Variants in THOC5 observed in about 807,000 individuals in gnomAD.
THOC5 encodes the protein Fms-interacting protein.
THOC5 carries 43 observed loss-of-function variants against 92.9 expected under a neutral mutation model. That is an observed-to-expected ratio of 0.46 (90% CI 0.36 to 0.60). THOC5 has a LOEUF of 0.60. Ranked by LOEUF, THOC5 falls within the 20% of genes least tolerant of loss-of-function variation. The pLI is 0.00. For missense variants in THOC5, 659 were observed against 849.4 expected (o/e 0.78, Z 2.79); for synonymous variants, 296 against 320.1 (o/e 0.92, Z 0.80).
At chr22:29,531,129 G>A in intron 8 of THOC5, 1 of 1,177,682 alleles carries the variant, frequency 8.5e-7, no homozygotes, top group Non-Finnish European at 1.1e-6. Context: ...GGAAACAGGA[G>A]GGAGAACAAA....
chr22:29,522,938 T>C (rs552262569), intron 12 of THOC5, among the ~76,000 whole-genome samples: 2 of 151,770 alleles, frequency 1.3e-5, no homozygotes, highest in South Asian at 2.1e-4. Flanking sequence ...GAGGCGGAGG[T>C]TGCAGTGAGC....
chr22:29,551,277 T>A (rs2064137505), intron 1 of THOC5, among the ~76,000 whole-genome samples: 1 of 151,838 alleles, frequency 6.6e-6, no homozygotes, highest in African/African-American at 2.4e-5. Context: ...GTACCACAAA[T>A]ACAAAAATTA....
intron 1 of THOC5, chr22:29,550,879 T>C (rs1319384239): frequency 1.3e-5 from 2 of 152,190 alleles, no homozygotes. Flanking sequence ...AATTCTTATT[T>C]TGAAACTTCT....
At chr22:29,543,371 A>G in intron 4 of THOC5, 58 bp downstream of exon 4, 2 of 1,126,680 alleles carry the variant, frequency 1.8e-6, no homozygotes, top group Non-Finnish European at 2.6e-6. Context: ...AAAAAAAAAA[A>G]AGAAGGGGAT....
chr22:29,531,126 G>A, intron 8 of THOC5: 1 of 1,180,088 alleles, frequency 8.5e-7, no homozygotes. Context: ...GATGGAAACA[G>A]GAGGGAGAAC....
rs899200593 is a variant in THOC5, at chr22:29,531,204, G to A, written c.847+627C>T. The A allele has an allele frequency of 6.6e-6, 7 of 1,055,686 alleles. No individual in the cohort carries two copies. In the African/African-American group the frequency reaches 1.2e-4, roughly 18 times the overall value. The allele number at this position is 1,055,686 out of a possible 1,614,324, so 65.4% of individuals were successfully genotyped here. A position where few individuals can be genotyped will look rare whatever the true frequency, so the allele number is the denominator to read the frequency against. Reference sequence around the variant, plus strand: ...GAGACAGTAATGTGTTGGTGCCCAAGGTGGGAGGAGAAGCAAGCACTGGTG... The same window carrying A: ...GAGACAGTAATGTGTTGGTGCCCAAAGTGGGAGGAGAAGCAAGCACTGGTG... On this transcript the variant is annotated intron_variant, in intron 8 of 19. Transcript: ENST00000490103.
intron 2 of THOC5, among the ~76,000 whole-genome samples, chr22:29,548,718 G>A (rs886195944): frequency 3.3e-5 from 5 of 152,126 alleles, no homozygotes; most frequent in Non-Finnish European, 7.4e-5. Flanking sequence ...GCAGCACACC[G>A]AGGGATTCCT....
At chr22:29,538,620 A>G (rs2063809236) in intron 6 of THOC5, among the ~76,000 whole-genome samples, 1 of 151,852 alleles carries the variant, frequency 6.6e-6, no homozygotes, top group East Asian at 1.9e-4. Flanking sequence ...TAACAGAGTG[A>G]GAACCCTGCT....
chr22:29,510,264 A>T (rs561793046), intron 19 of THOC5, among the ~76,000 whole-genome samples: 1 of 152,210 alleles, frequency 6.6e-6, no homozygotes, highest in African/African-American at 2.4e-5. Context: ...CTTCTGCTTC[A>T]TCATGAGCTA....
At chr22:29,516,905 G>T in intron 17 of THOC5, 124 bp downstream of exon 17, 1 of 855,612 alleles carries the variant, frequency 1.2e-6, no homozygotes, top group Non-Finnish European at 1.9e-6. Flanking sequence ...AGGCTCTCAC[G>T]ATCATTATTA....
intron 2 of THOC5, chr22:29,545,003 C>T (rs201771033): frequency 4.0e-5 from 15 of 377,420 alleles, no homozygotes; most frequent in South Asian, 1.4e-4. Context: ...TCCATTTTCA[C>T]GCTGCCAATA....
chr22:29,517,123 G>A lies in THOC5; in HGVS notation c.1594-7C>T. On this transcript the variant is annotated splice_polypyrimidine_tract_variant and splice_region_variant and intron_variant, in intron 16 of 19. Transcript: ENST00000490103. ...CTTTGGTGAAGTGCAGCTCCTAGAA[G>A]AGGTACCACAGACAAGAGGTGAACT... 6.2e-7 allele frequency: 1 copy of A among 1,614,116 alleles called. No homozygotes were observed. The highest frequency in any genetic ancestry group is 8.5e-7 in the Non-Finnish European group (1 of 1,179,980).
At chr22:29,527,620 A>T (rs1043094475) in intron 11 of THOC5, among the ~76,000 whole-genome samples, 2 of 152,230 alleles carry the variant, frequency 1.3e-5, no homozygotes, top group African/African-American at 2.4e-5. Context: ...GGACTGGTAT[A>T]TAGGAACCTG....
chr22:29,537,298 G>A (rs73159014), intron 6 of THOC5, among the ~76,000 whole-genome samples: 9,232 of 152,284 alleles, frequency 0.061, 395 homozygotes, highest in South Asian at 0.15. Flanking sequence ...ACTGGACAGC[G>A]GAGTGACAGG....
At chr22:29,510,381 G>A (rs2063201284) in intron 19 of THOC5, among the ~76,000 whole-genome samples, 1 of 152,328 alleles carries the variant, frequency 6.6e-6, no homozygotes, top group East Asian at 1.9e-4. Context: ...CTGATCACTT[G>A]AGCCTAGGAG....
At chr22:29,534,645 T>C (rs1287469566) in intron 7 of THOC5, 1 of 151,862 alleles carries the variant, frequency 6.6e-6, no homozygotes, top group Non-Finnish European at 1.5e-5. Flanking sequence ...AATTGTACAA[T>C]ATATAAAGTA....
intron 1 of THOC5, among the ~76,000 whole-genome samples, chr22:29,551,204 C>T (rs1422100552): frequency 3.3e-5 from 5 of 152,020 alleles, no homozygotes; most frequent in African/African-American, 7.2e-5. Context: ...GAGGCTGAGG[C>T]GGGTGGATCA....
intron 15 of THOC5, 106 bp downstream of exon 15, chr22:29,518,900 G>T (rs2063383299): frequency 1.3e-6 from 1 of 791,714 alleles, no homozygotes; most frequent in African/African-American, 1.7e-5. Context: ...AGGAATCCAG[G>T]TCTTGTATTT....
rs534449977 is a variant in THOC5, at chr22:29,540,592, G to T, written c.453-1116C>A. Among the ~76,000 whole-genome samples the T allele has an allele frequency of 1.3e-4, 20 of 152,320 alleles. No homozygotes were observed. In the South Asian group the frequency reaches 3.9e-3, roughly 30 times the overall value. On this transcript the variant is annotated intron_variant, in intron 5 of 19. Transcript: ENST00000490103. ...GCCGTCTGCCTCCCAACAGGCGCAAGTTCCACTGTATTCTGGGTTTGTCAG... is the reference window on the plus strand; with the variant it reads ...GCCGTCTGCCTCCCAACAGGCGCAATTTCCACTGTATTCTGGGTTTGTCAG...
Sources: gnomAD v4.1 joint callset for allele counts (sites outside exome capture counted in the v4.1 genomes callset) on GRCh38, gnomAD v4.1.1 for gene constraint, MANE v1.5 for transcripts, NCBI Gene and HGNC (gene_info 2026-07-23, HGNC 2026-07-21) for gene names.